FERMT1: variants seen among roughly 807,000 people sequenced by gnomAD.
The protein encoded by FERMT1 is FERM domain containing kindlin 1, also known as fermitin family homolog 1.
FERMT1 carries 60 observed loss-of-function variants against 85.3 expected under a neutral mutation model. That is an observed-to-expected ratio of 0.70 (90% CI 0.57 to 0.87). FERMT1 has a LOEUF of 0.87. Among genes scored for constraint, FERMT1 ranks in the 40% least tolerant of loss-of-function variants. FERMT1 has a pLI of 0.00. For synonymous variants in FERMT1, 275 were observed against 301.1 expected (o/e 0.91, Z 0.90); for missense variants, 701 against 818.9 (o/e 0.86, Z 1.76).
At chr20:6,088,943 G>A (rs1210291438) in intron 10 of FERMT1, 22 bp downstream of exon 10, 2 of 1,605,246 alleles carry the variant, frequency 1.2e-6, no homozygotes, top group Admixed American at 3.4e-5. Flanking sequence ...ATGAGCCACA[G>A]CAAGATATAG....
chr20:6,095,788 C>T (rs754263140), intron 8 of FERMT1, among the ~76,000 whole-genome samples: 22 of 152,294 alleles, frequency 1.4e-4, no homozygotes, highest in African/African-American at 4.1e-4. Context: ...TTAGTTTGCA[C>T]GAAGTATTTG....
Position 6,090,463 on chromosome 20 carries a change from TA to T in FERMT1, c.1140-1375del, listed in dbSNP as rs902564966. ...CAAAGATAGGAAAGAAGTTGCACAT[TA>T]AAAAAAAAAAGTATATGCTGGGTGC... On this transcript the variant is annotated intron_variant, in intron 9 of 14. Transcript: ENST00000217289. Among the ~76,000 whole-genome samples, 908 of 146,134 alleles carry T rather than the reference TA, an allele frequency of 6.2e-3. 7 individuals are homozygous for T. The highest frequency in any genetic ancestry group is 7.5e-3 in the Non-Finnish European group (496 of 65,922).
At position 6,112,418 on chromosome 20, in the gene FERMT1, A is replaced by G. The variant is rs562229581; in HGVS notation, c.532+59T>C. The G allele has an allele frequency of 1.9e-6, 3 of 1,548,810 alleles. No individual in the cohort carries two copies. The East Asian group carries it at 6.8e-5, about 35-fold the overall frequency. On this transcript the variant is annotated intron_variant, in intron 4 of 14. Coordinates refer to ENST00000217289, the MANE Select transcript of FERMT1 (RefSeq NM_017671.5). The stretch of plus-strand genomic sequence containing the variant: ...TTGGTGGGGGTGGGAGGAGAGATAT[A>G]TTTCTCTCTTGAGTTTTACTGTACG...
chr20:6,091,641 T>C (rs1252751772), intron 9 of FERMT1, among the ~76,000 whole-genome samples: 1 of 152,198 alleles, frequency 6.6e-6, no homozygotes. Context: ...AATAAGGTCT[T>C]GGTTTAATCT....
Position 6,112,636 on chromosome 20 carries a change from A to AC in FERMT1, c.386-14_386-13insG. The AC allele has an allele frequency of 6.7e-7, 1 of 1,500,392 alleles. No homozygotes were observed. Among genetic ancestry groups the AC allele is most frequent in the Non-Finnish European group, 9.0e-7 (1 of 1,113,570 alleles). 92.9% of individuals were successfully genotyped at this position (1,500,392 alleles called of 1,614,324 possible). On this transcript the variant is annotated splice_polypyrimidine_tract_variant and intron_variant, in intron 3 of 14. Transcript: ENST00000217289. ...GATCTTCTAATATCTAGAAATAAAT[A>AC]TTTTTTAAAAATGAAGAAAAAGTAA...
intron 8 of FERMT1, among the ~76,000 whole-genome samples, chr20:6,095,965 C>T (rs185151083): frequency 5.8e-4 from 88 of 152,164 alleles, no homozygotes; most frequent in South Asian, 3.3e-3. Context: ...TTCCCATGGC[C>T]GAAGTTAAAC....
chr20:6,085,109 C>T lies in FERMT1; in HGVS notation c.1550G>A (p.Cys517Tyr). Residue 517 changes from cysteine (C) to tyrosine (Y), a missense_variant, in exon 12 of 15, where the codon TGT (cysteine) becomes TAT (tyrosine). Coordinates refer to ENST00000217289, the MANE Select transcript of FERMT1 (RefSeq NM_017671.5). ...SLENMDMNPECFVSPRCAKRH... is the reference protein window; with the variant it reads ...SLENMDMNPEYFVSPRCAKRH... ...TTTTGCACACCGTGGTGACACAAAA[C>T]ATTCTGGGTTCATATCCATGTTTTC... is the stretch of plus-strand genomic sequence containing the variant. The T allele has an allele frequency of 3.1e-6, 5 of 1,614,174 alleles. No homozygotes were observed. Among genetic ancestry groups the T allele is most frequent in the Non-Finnish European group, 4.2e-6 (5 of 1,180,024 alleles).
intron 11 of FERMT1, 44 bp from the exon 12 acceptor site, chr20:6,085,331 C>G: frequency 6.4e-7 from 1 of 1,563,206 alleles, no homozygotes. Flanking sequence ...AGTGCAAAGC[C>G]CCCTGCTGCA....
intron 8 of FERMT1, among the ~76,000 whole-genome samples, chr20:6,095,740 G>A (rs574489070): frequency 6.6e-6 from 1 of 152,186 alleles, no homozygotes; most frequent in Non-Finnish European, 1.5e-5. Flanking sequence ...TTCTATAAAC[G>A]TGACACAGGG....
At chr20:6,090,478 T>C (rs1982326330) in intron 9 of FERMT1, among the ~76,000 whole-genome samples, 1 of 151,844 alleles carries the variant, frequency 6.6e-6, no homozygotes, top group South Asian at 2.1e-4. Flanking sequence ...AAAAAAAGTA[T>C]ATGCTGGGTG....
At chr20:6,083,656 C>A (rs1234737411) in intron 13 of FERMT1, among the ~76,000 whole-genome samples, 2 of 89,138 alleles carry the variant, frequency 2.2e-5, no homozygotes, top group Non-Finnish European at 4.1e-5. Context: ...AAATGAGACA[C>A]CCCCCCCCCC....
intron 14 of FERMT1, among the ~76,000 whole-genome samples, chr20:6,077,983 A>C (rs1600421694): frequency 6.7e-6 from 1 of 149,228 alleles, no homozygotes; most frequent in East Asian, 1.9e-4. Flanking sequence ...CCCGGCCTGC[A>C]GGCTCTTTAA....
Position 6,081,165 on chromosome 20 carries a change from A to C in FERMT1, c.1719-1588T>G, listed in dbSNP as rs147178150. Among the ~76,000 whole-genome samples the C allele has an allele frequency of 3.9e-5, 6 of 152,140 alleles. No homozygotes were observed. In the East Asian group the frequency reaches 1.2e-3, roughly 30 times the overall value. ...GTGTGGTGGCTCACAAGTCGCAGCT[A>C]CTTGGGAGGCTGGGGTGAGAGGATC... is the stretch of plus-strand genomic sequence containing the variant. On this transcript the variant is annotated intron_variant, in intron 13 of 14. Transcript: ENST00000217289.
chr20:6,113,739 G>C (rs750791559), intron 3 of FERMT1, among the ~76,000 whole-genome samples: 13 of 152,156 alleles, frequency 8.5e-5, no homozygotes, highest in Non-Finnish European at 1.9e-4. Flanking sequence ...TGTCTACACT[G>C]TCTCCCAGGG....
chr20:6,085,353 A>C, intron 11 of FERMT1, 66 bp from the exon 12 acceptor site: 10 of 1,431,024 alleles, frequency 7.0e-6, no homozygotes, highest in Non-Finnish European at 9.8e-6. Flanking sequence ...ACAGAGGGGG[A>C]CTTGGGCTTT....
In FERMT1 at chr20:6,076,928, T is replaced by G. The variant is rs1297954274; in HGVS notation, c.*245A>C. The G allele has an allele frequency of 1.8e-6, 1 of 548,906 alleles. No individual in the cohort carries two copies. Among genetic ancestry groups the G allele is most frequent in the African/African-American group, 1.9e-5 (1 of 52,822 alleles). 34.0% of individuals were successfully genotyped at this position (548,906 alleles called of 1,614,324 possible). On this transcript the variant is annotated 3_prime_UTR_variant, in exon 15 of 15. Coordinates refer to ENST00000217289, the MANE Select transcript of FERMT1 (RefSeq NM_017671.5). Reference sequence around the variant, plus strand: ...GGCCTTAGAGCAATCTTAGGGCACCTGCTTTTCTCCTGCCTACCCATTTTA... The same window carrying G: ...GGCCTTAGAGCAATCTTAGGGCACCGGCTTTTCTCCTGCCTACCCATTTTA...
intron 1 of FERMT1, among the ~76,000 whole-genome samples, chr20:6,122,520 C>T (rs1455281382): frequency 1.3e-5 from 2 of 152,160 alleles, no homozygotes; most frequent in Non-Finnish European, 2.9e-5. Context: ...GATCCTGGGG[C>T]GGATGTTGGG....
intron 3 of FERMT1, among the ~76,000 whole-genome samples, chr20:6,112,932 A>G (rs1241243242): frequency 6.6e-6 from 1 of 152,224 alleles, no homozygotes; most frequent in Non-Finnish European, 1.5e-5. Flanking sequence ...TGGGCTCCCC[A>G]GCTTCAGTCA....
intron 2 of FERMT1, 84 bp downstream of exon 2, chr20:6,119,320 C>A: frequency 7.5e-7 from 1 of 1,329,816 alleles, no homozygotes; most frequent in South Asian, 1.2e-5. Flanking sequence ...GATAAATGAT[C>A]AGAAAAACCT....
Sources: gnomAD v4.1 joint callset for allele counts (sites outside exome capture counted in the v4.1 genomes callset) on GRCh38, gnomAD v4.1.1 for gene constraint, MANE v1.5 for transcripts, NCBI Gene and HGNC (gene_info 2026-07-23, HGNC 2026-07-21) for gene names.